SLC6A9: variants seen among roughly 807,000 people sequenced by gnomAD.
SLC6A9 encodes the protein solute carrier family 6 member 9, also known as sodium- and chloride-dependent glycine transporter 1.
Under a neutral mutation model 70.9 loss-of-function variants are expected in SLC6A9, and 31 were observed. The ratio of observed to expected loss-of-function variants is 0.44; its 90% confidence interval spans 0.33 to 0.59. The LOEUF (loss-of-function observed/expected upper bound fraction) is 0.59. SLC6A9 is among the 20% of genes least tolerant of loss of function. The probability of loss-of-function intolerance (pLI) is 0.04; values close to 1 mark genes in which losing one functional copy is unlikely to be tolerated. For synonymous variants in SLC6A9, 310 were observed against 341.3 expected (o/e 0.91, Z 1.01); for missense variants, 631 against 845.2 (o/e 0.75, Z 3.14).
intron 2 of SLC6A9, among the ~76,000 whole-genome samples, chr1:44,020,958 G>C (rs1277885708): frequency 6.6e-6 from 1 of 152,218 alleles, no homozygotes; most frequent in African/African-American, 2.4e-5. Context: ...GCTCAGACAT[G>C]GGAAGAGGTC....
chr1:44,022,426 A>G (rs990280631), intron 2 of SLC6A9, among the ~76,000 whole-genome samples: 1 of 152,168 alleles, frequency 6.6e-6, no homozygotes, highest in Non-Finnish European at 1.5e-5. Context: ...GGGTTCTCAG[A>G]TGGGATTCAC....
intron 1 of SLC6A9, among the ~76,000 whole-genome samples, chr1:44,030,963 C>A (rs2087103351): frequency 6.6e-6 from 1 of 152,084 alleles, no homozygotes; most frequent in Admixed American, 6.5e-5. Flanking sequence ...CCTGCGCCCG[C>A]CGCCCCCGAT....
rs2086828521 is a variant in SLC6A9, at chr1:44,018,867, T to A, written c.30+5381A>T. Among the ~76,000 whole-genome samples the A allele has an allele frequency of 6.6e-6, 1 of 152,094 alleles. No individual in the cohort carries two copies. Among genetic ancestry groups the A allele is most frequent in the Non-Finnish European group, 1.5e-5 (1 of 68,012 alleles). ...TTTGCTTGAGCCCAGACGTTGGAAGTTGTAGTGAGCTATGATCACACCACT... is the reference window on the plus strand; with the variant it reads ...TTTGCTTGAGCCCAGACGTTGGAAGATGTAGTGAGCTATGATCACACCACT... On this transcript the variant is annotated intron_variant, in intron 2 of 13. Transcript: ENST00000372310. The surrounding 1 kb of genome is among the most constrained non-coding windows in gnomAD (Gnocchi z 4.2).
At position 44,013,037 on chromosome 1, in the gene SLC6A9, G is replaced by T. The variant is rs1571891604; in HGVS notation, c.31-2155C>A. ...CCTATATGTTGACCCTACAATACCA[G>T]TTTTATTCTGTCCCAGGGTTGTTTA... On this transcript the variant is annotated intron_variant, in intron 2 of 13. Transcript: ENST00000372310. The surrounding 1 kb of genome is among the most constrained non-coding windows in gnomAD (Gnocchi z 5.3). Among the ~76,000 whole-genome samples the T allele has an allele frequency of 6.6e-6, 1 of 152,224 alleles. No homozygotes were observed. Among genetic ancestry groups the T allele is most frequent in the Admixed American group, 6.5e-5 (1 of 15,278 alleles).
intron 2 of SLC6A9, chr1:44,017,447 C>G (rs1223195017): frequency 2.1e-6 from 2 of 971,576 alleles, no homozygotes; most frequent in East Asian, 7.2e-5. Context: ...GCTCACTCCC[C>G]CCACGGAGCT....
intron 5 of SLC6A9, among the ~76,000 whole-genome samples, chr1:44,006,380 G>A (rs1356708067): frequency 6.6e-6 from 1 of 152,064 alleles, no homozygotes; most frequent in Non-Finnish European, 1.5e-5. Flanking sequence ...CTGAGGTCAG[G>A]AGTTCGAGAC....
rs1361642410 is a variant in SLC6A9 at position 44,024,248 on chromosome 1, C to A, written c.30G>T (p.Leu10=). ...CCCGCAGTCTGGCCTCTGTACTCACCAGCATCCCTTTGGCACCTTTTCCTA... is the reference window on the plus strand; with the variant it reads ...CCCGCAGTCTGGCCTCTGTACTCACAAGCATCCCTTTGGCACCTTTTCCTA... MVGKGAKGM[L]NGAVPSEATK... is the part of the protein sequence containing the mutation. Residue 10 remains leucine, a splice_region_variant and synonymous_variant, in exon 2 of 14, where the codon CTG becomes CTT. Transcript: ENST00000372310. 6.2e-7 allele frequency: 1 copy of A among 1,614,206 alleles called. No individual in the cohort carries two copies. Among genetic ancestry groups the A allele is most frequent in the Non-Finnish European group, 8.5e-7 (1 of 1,180,000 alleles).
chr1:44,020,200 A>C (rs990071102), intron 2 of SLC6A9, among the ~76,000 whole-genome samples: 1 of 152,098 alleles, frequency 6.6e-6, no homozygotes, highest in Non-Finnish European at 1.5e-5. Flanking sequence ...CTGGATGTCA[A>C]ATCTTGTGCT....
intron 1 of SLC6A9, among the ~76,000 whole-genome samples, chr1:44,025,899 G>A (rs1297778147): frequency 6.6e-6 from 1 of 152,018 alleles, no homozygotes; most frequent in Non-Finnish European, 1.5e-5. Flanking sequence ...AGTCAACTCT[G>A]TTCCCAAGGC....
chr1:44,001,501 G>C lies in SLC6A9; in HGVS notation c.1089C>G (p.Gly363=). 2 of 1,614,234 alleles carry C rather than the reference G, an allele frequency of 1.2e-6. No individual in the cohort carries two copies. Among genetic ancestry groups the C allele is most frequent in the Non-Finnish European group, 1.7e-6 (2 of 1,180,032 alleles). Residue 363 remains glycine, a synonymous_variant, in exon 9 of 14, where the codon GGC becomes GGG. Coordinates refer to ENST00000372310, the MANE Select transcript of SLC6A9 (RefSeq NM_001024845.3). The part of the protein sequence containing the change: ...GVDVSRVADH[G]PGLAFVAYPE... ...GGTAAGCCACGAAGGCCAGGCCAGG[G>C]CCGTGGTCTGCCACACGGGACACAT... is the stretch of plus-strand genomic sequence containing the variant.
chr1:44,031,181 C>CAT (rs2087111105), intron 1 of SLC6A9, 125 bp downstream of exon 1: 1 of 152,400 alleles, frequency 6.6e-6, no homozygotes, highest in African/African-American at 2.4e-5. Flanking sequence ...CACACACACA[C>CAT]ACACACACAC....
intron 5 of SLC6A9, among the ~76,000 whole-genome samples, chr1:44,006,212 A>G (rs1176868845): frequency 6.7e-6 from 1 of 148,658 alleles, no homozygotes; most frequent in Non-Finnish European, 1.5e-5. Context: ...TCGTTCTCCC[A>G]TCGGACGGCA....
intron 2 of SLC6A9, among the ~76,000 whole-genome samples, chr1:44,012,459 C>A (rs966070257): frequency 5.3e-5 from 8 of 152,234 alleles, no homozygotes; most frequent in Non-Finnish European, 8.8e-5. Context: ...GTGCCAGGGA[C>A]CATGGGTTTC....
intron 2 of SLC6A9, chr1:44,017,157 C>CA: frequency 6.2e-7 from 1 of 1,604,502 alleles, no homozygotes; most frequent in Non-Finnish European, 8.5e-7. Flanking sequence ...AGCTCCAGCG[C>CA]GACACTGACG....
intron 12 of SLC6A9, among the ~76,000 whole-genome samples, chr1:43,998,982 A>T: frequency 7.4e-6 from 1 of 134,682 alleles, no homozygotes; most frequent in Non-Finnish European, 1.6e-5. Context: ...TGGCGGGGGA[A>T]GGGGGGGGGC....
intron 4 of SLC6A9, among the ~76,000 whole-genome samples, chr1:44,009,540 T>C (rs546200143): frequency 1.3e-5 from 2 of 152,106 alleles, no homozygotes; most frequent in South Asian, 4.2e-4. Context: ...GGTTTCTCCA[T>C]GTTGGTCAGG....
chr1:44,000,496 G>A (rs987096876), intron 12 of SLC6A9, among the ~76,000 whole-genome samples: 3 of 152,234 alleles, frequency 2.0e-5, no homozygotes, highest in Non-Finnish European at 4.4e-5. Context: ...AGTCCCCGGG[G>A]GTGCCAGGCA....
chr1:44,019,320 A>G (rs920461173), intron 2 of SLC6A9, among the ~76,000 whole-genome samples: 1 of 152,206 alleles, frequency 6.6e-6, no homozygotes, highest in African/African-American at 2.4e-5. Flanking sequence ...AGGTAGGTCC[A>G]TTATTATCTC....
intron 1 of SLC6A9, among the ~76,000 whole-genome samples, chr1:44,030,124 G>A (rs2154307989): frequency 6.6e-6 from 1 of 152,156 alleles, no homozygotes; most frequent in Non-Finnish European, 1.5e-5. Context: ...CCGCCGGCCC[G>A]AGGCGCGGAG....
Sources: gnomAD v4.1 joint callset for allele counts (sites outside exome capture counted in the v4.1 genomes callset) on GRCh38, gnomAD v4.1.1 for gene constraint, Gnocchi (gnomAD v3.1) non-coding constraint, MANE v1.5 for transcripts, NCBI Gene and HGNC (gene_info 2026-07-23, HGNC 2026-07-21) for gene names.